Variants in CDH23 observed in about 807,000 individuals in gnomAD.
The protein encoded by CDH23 is cadherin related 23.
In CDH23, 189 loss-of-function variants were observed where a neutral mutation model predicts 317.1. The observed-to-expected ratio is 0.60, with a 90% CI of 0.53 to 0.67. The LOEUF (loss-of-function observed/expected upper bound fraction) is 0.67, where lower values mean the gene tolerates loss of function less well. Among genes scored for constraint, CDH23 ranks in the 30% least tolerant of loss-of-function variants. The pLI is 0.00. For synonymous variants in CDH23, 1,839 were observed against 1,876.8 expected (o/e 0.98, Z 0.52); for missense variants, 4,401 against 4,592.4 (o/e 0.96, Z 1.20).
intron 67 of CDH23, 74 bp from the exon 68 acceptor site, chr10:71,812,694 T>C: frequency 2.5e-6 from 4 of 1,611,856 alleles, no homozygotes; most frequent in Non-Finnish European, 3.4e-6. Flanking sequence ...GCTGGGTTCT[T>C]TAAGGGGTGG....
intron 1 of CDH23, among the ~76,000 whole-genome samples, chr10:71,406,018 AT>A (rs10659003): frequency 0.042 from 6,147 of 147,580 alleles, 183 homozygotes; most frequent in Non-Finnish European, 0.06. Context: ...AAAGCAGGTA[AT>A]TTTTTTTTTT....
chr10:71,460,012 T>C (rs1189942336), intron 3 of CDH23, among the ~76,000 whole-genome samples: 1 of 152,238 alleles, frequency 6.6e-6, no homozygotes, highest in East Asian at 1.9e-4. Context: ...CTCACTCATT[T>C]AATCCTCACA....
At chr10:71,656,957 C>T (rs755386597) in intron 14 of CDH23, among the ~76,000 whole-genome samples, 6 of 152,178 alleles carry the variant, frequency 3.9e-5, no homozygotes, top group African/African-American at 1.4e-4. Context: ...AGCTGGAGAC[C>T]TGCCCTGAGG....
rs397517320 is a variant in CDH23 at position 71,707,035 on chromosome 10, G to A, written c.3092G>A (p.Ser1031Asn). Residue 1031 changes from serine (S) to asparagine (N), a missense_variant, in exon 26 of 70, where the codon AGC (serine) becomes AAC (asparagine). Physicochemically the swap from Ser to Asn is conservative, Grantham distance 46. Transcript: ENST00000224721. Reference sequence around the variant, plus strand: ...GACGTGGGCCTCAATGCAGAGCTCAGCTACTTCATCACAGGTGCTGCCCCG... The same window carrying A: ...GACGTGGGCCTCAATGCAGAGCTCAACTACTTCATCACAGGTGCTGCCCCG... The part of the protein sequence containing the change: ...DNDVGLNAEL[S>N]YFITGGNVDG... The A allele has an allele frequency of 7.5e-6, 12 of 1,605,488 alleles. No homozygotes were observed. The Admixed American group carries it at 1.7e-4, about 23-fold the overall frequency.
intron 1 of CDH23, among the ~76,000 whole-genome samples, chr10:71,435,067 T>C (rs749406384): frequency 1.3e-5 from 2 of 152,178 alleles, no homozygotes; most frequent in Non-Finnish European, 2.9e-5. Flanking sequence ...CTCCCCTGGG[T>C]CACATGTCTG....
intron 1 of CDH23, among the ~76,000 whole-genome samples, chr10:71,417,344 T>C (rs1848580998): frequency 2.0e-5 from 3 of 152,196 alleles, no homozygotes. Flanking sequence ...CCCAAAGTGC[T>C]GGGATTACAG....
chr10:71,741,233 AT>A (rs968413214), intron 37 of CDH23, among the ~76,000 whole-genome samples: 43 of 152,340 alleles, frequency 2.8e-4, no homozygotes, highest in African/African-American at 1.0e-3. Flanking sequence ...TTTTTAAAAA[AT>A]GTATTTATTA....
At chr10:71,743,462 TC>T (rs936127420) in intron 38 of CDH23, among the ~76,000 whole-genome samples, 13 of 152,148 alleles carry the variant, frequency 8.5e-5, no homozygotes, top group African/African-American at 2.9e-4. Context: ...AATCCAGGAA[TC>T]CCCACCCCAC....
chr10:71,808,148 T>C (rs1228121359), intron 60 of CDH23, 141 bp downstream of exon 60: 3 of 986,980 alleles, frequency 3.0e-6, no homozygotes, highest in South Asian at 3.1e-5. Context: ...ATCCTATTCA[T>C]CCACCTATTC....
intron 3 of CDH23, among the ~76,000 whole-genome samples, chr10:71,454,845 AT>A (rs397720434): frequency 0.02 from 2,804 of 141,250 alleles, 87 homozygotes; most frequent in African/African-American, 0.066. Context: ...TTTACATTTT[AT>A]TTTTTTTTTT....
chr10:71,803,982 CAAAAAAA>C (rs35814351), intron 55 of CDH23, among the ~76,000 whole-genome samples: 3 of 130,690 alleles, frequency 2.3e-5, no homozygotes, highest in African/African-American at 8.5e-5. Flanking sequence ...GAGACTTTGT[CAAAAAAA>C]AAAAAAAAAA....
At chr10:71,615,809 T>C (rs1288060863) in intron 10 of CDH23, among the ~76,000 whole-genome samples, 193 bp downstream of exon 10, 1 of 152,176 alleles carries the variant, frequency 6.6e-6, no homozygotes, top group East Asian at 1.9e-4. Flanking sequence ...GTTATGAAGT[T>C]GTAGGTGTGC....
intron 9 of CDH23, among the ~76,000 whole-genome samples, chr10:71,594,438 A>G (rs535744906): frequency 1.3e-5 from 2 of 151,604 alleles, no homozygotes; most frequent in Non-Finnish European, 2.9e-5. Context: ...CAATGGCACA[A>G]TCTTGGCTCA....
chr10:71,399,239 A>G (rs1392908528), intron 1 of CDH23, among the ~76,000 whole-genome samples: 2 of 152,220 alleles, frequency 1.3e-5, no homozygotes, highest in Non-Finnish European at 2.9e-5. Flanking sequence ...CAGCGTCGGC[A>G]TCACCTGGGG....
In CDH23 at chr10:71,739,610, C is replaced by T. The variant is rs370971390; in HGVS notation, c.4360-34C>T. 1.1e-5 allele frequency: 17 copies of T among 1,606,596 alleles called. No homozygotes were observed. In the African/African-American group the frequency reaches 2.1e-4, roughly 20 times the overall value. The stretch of plus-strand genomic sequence containing the variant: ...TTGACCTGGCCACCTCTCCTCCACA[C>T]CTGCTCACCCCTCACCCTCTCTTCT... On this transcript the variant is annotated intron_variant, in intron 35 of 69. Transcript: ENST00000224721.
At chr10:71,814,799 C>T (rs182286786) in intron 69 of CDH23, among the ~76,000 whole-genome samples, 153 bp from the exon 70 acceptor site, 146 of 152,344 alleles carry the variant, frequency 9.6e-4, no homozygotes, top group Non-Finnish European at 1.7e-3. Context: ...ATTCATGATT[C>T]CCCTTTGCAG....
intron 11 of CDH23, among the ~76,000 whole-genome samples, chr10:71,623,198 A>G (rs1861551066): frequency 6.6e-6 from 1 of 152,280 alleles, no homozygotes; most frequent in South Asian, 2.1e-4. Context: ...GGATAGGGTG[A>G]TTCCTGACTG....
chr10:71,559,200 G>A (rs1186619352), intron 6 of CDH23, among the ~76,000 whole-genome samples: 1 of 152,132 alleles, frequency 6.6e-6, no homozygotes, highest in Admixed American at 6.5e-5. Flanking sequence ...CCAGTTTCCA[G>A]AATTTTGTTG....
intron 3 of CDH23, among the ~76,000 whole-genome samples, chr10:71,472,943 T>C (rs1187605083): frequency 6.6e-6 from 1 of 152,250 alleles, no homozygotes; most frequent in African/African-American, 2.4e-5. Flanking sequence ...ATAAACTCCA[T>C]GGTGGCAAAC....
Sources: gnomAD v4.1 joint callset for allele counts (sites outside exome capture counted in the v4.1 genomes callset) on GRCh38, gnomAD v4.1.1 for gene constraint, MANE v1.5 for transcripts, NCBI Gene and HGNC (gene_info 2026-07-23, HGNC 2026-07-21) for gene names.